TPD52: variants seen among roughly 807,000 people sequenced by gnomAD.
The protein encoded by TPD52 is tumor protein D52.
TPD52 carries 17 observed loss-of-function variants against 31.3 expected under a neutral mutation model. The ratio of observed to expected loss-of-function variants is 0.54; its 90% confidence interval spans 0.37 to 0.82. TPD52 has a LOEUF of 0.82. Among genes scored for constraint, TPD52 ranks in the 40% least tolerant of loss-of-function variants. The pLI is 0.00. For synonymous variants in TPD52, 83 were observed against 89.6 expected (o/e 0.93, Z 0.42); for missense variants, 212 against 240.1 (o/e 0.88, Z 0.77).
chr8:80,115,425 G>A (rs936554758), intron 1 of TPD52, among the ~76,000 whole-genome samples: 1 of 152,192 alleles, frequency 6.6e-6, no homozygotes, highest in Non-Finnish European at 1.5e-5. Flanking sequence ...CAGAGCAAGA[G>A]AGCAGAAGCT....
intron 1 of TPD52, among the ~76,000 whole-genome samples, chr8:80,115,957 AAAAT>A (rs1314530901): frequency 9.2e-5 from 14 of 152,274 alleles, no homozygotes; most frequent in Non-Finnish European, 1.5e-4. Flanking sequence ...AAAACTTGTT[AAAAT>A]AAATAACCCA....
At chr8:80,128,065 A>G (rs572341524) in intron 1 of TPD52, among the ~76,000 whole-genome samples, 136 of 151,928 alleles carry the variant, frequency 9.0e-4, no homozygotes, top group Non-Finnish European at 1.6e-3. Context: ...GTCAAAGGCT[A>G]TCTTAAATTG....
At chr8:80,057,324 C>A (rs770368998) in intron 2 of TPD52, among the ~76,000 whole-genome samples, 66 of 152,178 alleles carry the variant, frequency 4.3e-4, no homozygotes, top group Non-Finnish European at 6.8e-4. Flanking sequence ...AGCTACCATT[C>A]AATGGCAGCA....
chr8:80,151,759 G>A lies in TPD52; in HGVS notation c.19+19666C>T, dbSNP rs540561524. On this transcript the variant is annotated intron_variant, in intron 1 of 7. Transcript: ENST00000518937. Reference sequence around the variant, plus strand: ...AAAGGCACTGTTCTGACATTGCCCAGTGGAAGCTCAGTCTCTTTTATAGAA... The same window carrying A: ...AAAGGCACTGTTCTGACATTGCCCAATGGAAGCTCAGTCTCTTTTATAGAA... Among the ~76,000 whole-genome samples the A allele has an allele frequency of 5.3e-5, 8 of 152,186 alleles. No homozygotes were observed. In the East Asian group the frequency reaches 5.8e-4, roughly 11 times the overall value.
intron 1 of TPD52, chr8:80,067,295 G>C (rs1813265913): frequency 6.6e-6 from 1 of 152,100 alleles, no homozygotes; most frequent in Non-Finnish European, 1.5e-5. Flanking sequence ...GACATGTTCT[G>C]CTCTTTCCAC....
chr8:80,116,737 G>A (rs1041883466), intron 1 of TPD52, among the ~76,000 whole-genome samples: 1 of 149,594 alleles, frequency 6.7e-6, no homozygotes, highest in Non-Finnish European at 1.5e-5. Context: ...AGACACGAAA[G>A]TCCTCAGCAT....
chr8:80,091,101 G>A (rs755831117), intron 1 of TPD52, among the ~76,000 whole-genome samples: 1 of 152,310 alleles, frequency 6.6e-6, no homozygotes, highest in Non-Finnish European at 1.5e-5. Context: ...CTGTACCTGG[G>A]AAAGTCAGAA....
At chr8:80,050,719 C>G (rs1358289403) in intron 4 of TPD52, among the ~76,000 whole-genome samples, 1 of 152,146 alleles carries the variant, frequency 6.6e-6, no homozygotes, top group Non-Finnish European at 1.5e-5. Context: ...GGAATTTGTT[C>G]TTTTGGTGTA....
intron 1 of TPD52, among the ~76,000 whole-genome samples, chr8:80,167,634 T>G (rs1375296830): frequency 6.6e-6 from 1 of 152,252 alleles, no homozygotes. Context: ...TTATCCATTA[T>G]TCTCTACATT....
chr8:80,087,293 T>G (rs1193115770), intron 1 of TPD52, among the ~76,000 whole-genome samples: 1 of 152,094 alleles, frequency 6.6e-6, no homozygotes, highest in Non-Finnish European at 1.5e-5. Context: ...TTCCTTATGC[T>G]CTCCCTCCCC....
chr8:80,059,759 C>A (rs948747127), intron 2 of TPD52, among the ~76,000 whole-genome samples: 1 of 151,358 alleles, frequency 6.6e-6, no homozygotes, highest in African/African-American at 2.4e-5. Flanking sequence ...GAGGCTGAGG[C>A]AGGAGAATCG....
chr8:80,075,200 A>G (rs1814389482), intron 1 of TPD52, among the ~76,000 whole-genome samples: 1 of 152,016 alleles, frequency 6.6e-6, no homozygotes, highest in Non-Finnish European at 1.5e-5. Flanking sequence ...GATGGTCTCA[A>G]TCTCCTGACC....
intron 1 of TPD52, among the ~76,000 whole-genome samples, chr8:80,157,886 T>C (rs1811080259): frequency 6.6e-6 from 1 of 152,234 alleles, no homozygotes; most frequent in Admixed American, 6.5e-5. Flanking sequence ...GATATCACTA[T>C]TAAAATACAT....
At chr8:80,050,554 A>G in intron 4 of TPD52, 83 bp from the exon 5 acceptor site, 1 of 1,391,472 alleles carries the variant, frequency 7.2e-7, no homozygotes, top group Non-Finnish European at 9.8e-7. Flanking sequence ...TTTTAAACAT[A>G]TAATGTTTTC....
intron 1 of TPD52, among the ~76,000 whole-genome samples, chr8:80,117,334 G>A (rs528197982): frequency 6.2e-4 from 94 of 152,206 alleles, no homozygotes; most frequent in Non-Finnish European, 6.8e-4. Flanking sequence ...AACTTATCAC[G>A]TATCTATACA....
At chr8:80,051,319 T>A in intron 4 of TPD52, 1 of 559,000 alleles carries the variant, frequency 1.8e-6, no homozygotes, top group Non-Finnish European at 3.1e-6. Context: ...CAACCTTAAA[T>A]GATCATCAGA....
intron 1 of TPD52, among the ~76,000 whole-genome samples, chr8:80,084,596 T>C (rs1367693771): frequency 6.6e-6 from 1 of 152,216 alleles, no homozygotes; most frequent in Non-Finnish European, 1.5e-5. Flanking sequence ...TACCCTGGGC[T>C]TCCCAGTTAT....
chr8:80,100,759 A>G (rs905067870), intron 1 of TPD52, among the ~76,000 whole-genome samples: 1 of 152,238 alleles, frequency 6.6e-6, no homozygotes, highest in African/African-American at 2.4e-5. Context: ...GGAGAAGACC[A>G]ATGTCCCAGC....
chr8:80,156,182 G>C (rs1270679316), intron 1 of TPD52, among the ~76,000 whole-genome samples: 4 of 152,172 alleles, frequency 2.6e-5, no homozygotes, highest in African/African-American at 9.7e-5. Context: ...GCTCACATGA[G>C]GGGCTACTGA....
Sources: gnomAD v4.1 joint callset for allele counts (sites outside exome capture counted in the v4.1 genomes callset) on GRCh38, gnomAD v4.1.1 for gene constraint, MANE v1.5 for transcripts, NCBI Gene and HGNC (gene_info 2026-07-23, HGNC 2026-07-21) for gene names.